Variants in AP1G2 observed in about 807,000 individuals in gnomAD.
AP1G2 encodes adaptor related protein complex 1 subunit gamma 2.
AP1G2 carries 85 observed loss-of-function variants against 95.8 expected under a neutral mutation model. The ratio of observed to expected loss-of-function variants is 0.89; its 90% CI spans 0.74 to 1.06. The LOEUF (loss-of-function observed/expected upper bound fraction) is 1.06. Ranked by LOEUF, AP1G2 falls within the 50% of genes least tolerant of loss-of-function variation. AP1G2 has a pLI of 0.00. For missense variants in AP1G2, 967 were observed against 1,005.8 expected, an observed-to-expected ratio of 0.96 and a Z score of 0.52; for synonymous variants, 378 against 400.0, an observed-to-expected ratio of 0.94 and a Z score of 0.66.
chr14:23,566,297 C>A lies in AP1G2; in HGVS notation c.452G>T (p.Ser151Ile), dbSNP rs1260537467. The change falls in exon 4 of 22, where the codon AGT becomes ATT. Residue 151 changes from serine to isoleucine, a missense_variant. Coordinates refer to ENST00000397120, the MANE Select transcript of AP1G2 (RefSeq NM_003917.5). ...TCTCACCTTCTTGCGCACGTAGGGA[C>A]TGGGCTGCAGGAGCAGTTTCTCCAC... ...PEVEKLLLQP[S>I]PYVRKKAILT... 1.2e-6 allele frequency: 2 copies of A among 1,613,988 alleles called. No homozygotes were observed. The highest frequency in any genetic ancestry group is 1.3e-5 in the African/African-American group (1 of 75,034).
rs550111210 is a variant in AP1G2 at position 23,562,367 on chromosome 14, G to A, written c.1549C>T (p.His517Tyr). Residue 517 changes from histidine to tyrosine, a missense_variant, in exon 16 of 22, where the codon CAC becomes TAC. His to Tyr is a moderately conservative substitution (Grantham distance 83). Transcript: ENST00000397120. Reference sequence around the variant, plus strand: ...CCTCGAGTGGCTGGCAGGGACATGTGGGACTGCAGCACCTTTTCCAGCAAT... The same window carrying A: ...CCTCGAGTGGCTGGCAGGGACATGTAGGACTGCAGCACCTTTTCCAGCAAT... The part of the protein sequence containing the change: ...LALLEKVLQS[H>Y]MSLPATRGYA... 6 of 1,614,182 alleles carry A rather than the reference G, an allele frequency of 3.7e-6. No individual in the cohort carries two copies. The South Asian group carries it at 6.6e-5, about 18-fold the overall frequency.
At position 23,567,479 on chromosome 14, in the gene AP1G2, C is replaced by G; in HGVS notation, c.-5-160G>C. ...TCCCGAAGTGGGTCTCCAAATTCCGCGCCCACCCCACCGCCCGAGAAGCCC... is the reference window on the plus strand; with the variant it reads ...TCCCGAAGTGGGTCTCCAAATTCCGGGCCCACCCCACCGCCCGAGAAGCCC... On this transcript the variant is annotated intron_variant, in intron 1 of 21. Coordinates refer to ENST00000397120, the MANE Select transcript of AP1G2 (RefSeq NM_003917.5). This position sits in a 1 kb window ranked among gnomAD's most constrained non-coding sequence, Gnocchi z 5.3. 1 of 1,391,360 alleles carries G rather than the reference C, an allele frequency of 7.2e-7. No homozygotes were observed. The highest frequency in any genetic ancestry group is 3.5e-5 in the Admixed American group (1 of 28,352). The allele number at this position is 1,391,360 out of a possible 1,614,324, so 86.2% of individuals were successfully genotyped here.
intron 19 of AP1G2, 170 bp downstream of exon 19, chr14:23,561,126 G>C: frequency 3.0e-6 from 4 of 1,352,962 alleles, no homozygotes; most frequent in Non-Finnish European, 3.8e-6. Context: ...GGAACAAAGG[G>C]AAGACAGATG....
chr14:23,566,199 A>G (rs747961923), intron 4 of AP1G2, 39 bp from the exon 5 acceptor site: 7 of 1,596,096 alleles, frequency 4.4e-6, no homozygotes, highest in Admixed American at 3.4e-5. Flanking sequence ...GTCAGAGGAG[A>G]TGGACCCCTG....
chr14:23,564,367 C>G lies in AP1G2; in HGVS notation c.943G>C (p.Gly315Arg), dbSNP rs1485961415. The change falls in exon 10 of 22, where the codon GGT becomes CGT. Residue 315 changes from glycine (G) to arginine (R), a missense_variant. By Grantham distance (125) the Gly-to-Arg change is moderately radical. Transcript: ENST00000397120. ...CTGTCACTGTTGAGTAGGAAGCGAC[C>G]AAGAATGTTGACAGCTAGAACCTAT... The part of the protein sequence containing the change: ...GLRVLAVNIL[G>R]RFLLNSDRNI... 1 of 1,614,110 alleles carries G rather than the reference C, an allele frequency of 6.2e-7. No homozygotes were observed.
chr14:23,564,179 T>G lies in AP1G2; in HGVS notation c.978-20A>C, dbSNP rs1335602235. On this transcript the variant is annotated intron_variant, in intron 10 of 21. Coordinates refer to ENST00000397120, the MANE Select transcript of AP1G2 (RefSeq NM_003917.5). ...ACATACCTGGTCAGGATGGGGGAGG[T>G]TCTATCATACCATGGCCATCAGCCC... 1 of 1,612,502 alleles carries G rather than the reference T, an allele frequency of 6.2e-7. No individual in the cohort carries two copies.
chr14:23,567,701 G>T lies in AP1G2; in HGVS notation c.-6+38C>A. The T allele has an allele frequency of 9.6e-7, 1 of 1,041,160 alleles. No homozygotes were observed. The highest frequency in any genetic ancestry group is 1.2e-6 in the Non-Finnish European group (1 of 864,648). The allele number at this position is 1,041,160 out of a possible 1,614,324, so 64.5% of individuals were successfully genotyped here. ...ATTTCCATCTCAGGCAGCGGCAGCG[G>T]CAGCGACAGCCTGCCTACCCCAGGA... On this transcript the variant is annotated intron_variant, in intron 1 of 21. Coordinates refer to ENST00000397120, the MANE Select transcript of AP1G2 (RefSeq NM_003917.5). The surrounding 1 kb of genome is among the most constrained non-coding windows in gnomAD (Gnocchi z 5.3).
At chr14:23,563,278 G>A in intron 14 of AP1G2, 102 bp downstream of exon 14, 2 of 1,520,704 alleles carry the variant, frequency 1.3e-6, no homozygotes, top group Non-Finnish European at 1.8e-6. Flanking sequence ...GTAAGCAGCT[G>A]TGACCTTGAG....
rs1387644688 is a variant in AP1G2, at chr14:23,564,320, T to C, written c.977+13A>G. On this transcript the variant is annotated intron_variant, in intron 10 of 21. Transcript: ENST00000397120. ...TCAGTGGCACAGCCTAGGTAGACAG[T>C]TGGGACTATTACCTAATGTTCCTGT... is the stretch of plus-strand genomic sequence containing the variant. 2 of 1,613,766 alleles carry C rather than the reference T, an allele frequency of 1.2e-6. No homozygotes were observed. Among genetic ancestry groups the C allele is most frequent in the South Asian group, 1.1e-5 (1 of 91,070 alleles).
intron 7 of AP1G2, 40 bp downstream of exon 7, chr14:23,565,566 C>T (rs1171436930): frequency 1.3e-6 from 2 of 1,537,764 alleles, no homozygotes; most frequent in East Asian, 2.2e-5. Flanking sequence ...CTGCTATGCC[C>T]TCTCTGATCC....
At chr14:23,564,731 TCA>T in intron 8 of AP1G2, 71 bp from the exon 9 acceptor site, 1 of 1,406,248 alleles carries the variant, frequency 7.1e-7, no homozygotes, top group Admixed American at 1.8e-5. Context: ...ATACAGGGTC[TCA>T]CTCTGTCGCC....
At chr14:23,560,496 G>A (rs1712015302) in intron 19 of AP1G2, 78 bp from the exon 20 acceptor site, 2 of 1,455,708 alleles carry the variant, frequency 1.4e-6, no homozygotes, top group South Asian at 1.3e-5. Flanking sequence ...CAAAAATTGA[G>A]TAAACACCTA....
intron 10 of AP1G2, 80 bp from the exon 11 acceptor site, chr14:23,564,239 A>T (rs1886613910): frequency 6.2e-7 from 1 of 1,612,848 alleles, no homozygotes; most frequent in Admixed American, 1.7e-5. Flanking sequence ...TAGGGATAAG[A>T]TAAGAGAGAA....
chr14:23,560,077 T>C, intron 20 of AP1G2, 41 bp from the exon 21 acceptor site: 1 of 1,471,650 alleles, frequency 6.8e-7, no homozygotes, highest in East Asian at 2.3e-5. Context: ...TGGCAGTAGG[T>C]AGGGCTCAGG....
chr14:23,563,585 G>C lies in AP1G2; in HGVS notation c.1286C>G (p.Thr429Arg). 1 of 1,614,208 alleles carries C rather than the reference G, an allele frequency of 6.2e-7. No individual in the cohort carries two copies. The highest frequency in any genetic ancestry group is 1.3e-5 in the African/African-American group (1 of 75,054). Residue 429 changes from threonine to arginine, a missense_variant and splice_region_variant, in exon 13 of 22, where the codon ACG (threonine) becomes AGG (arginine). Physicochemically the swap from Thr to Arg is moderately conservative, Grantham distance 71. Transcript: ENST00000397120. ...CTCTCTGACTGGCCCCTGCCTCACCGTTGTCAGCACATGCAGGATGGTGTC... is the reference window on the plus strand; with the variant it reads ...CTCTCTGACTGGCCCCTGCCTCACCCTTGTCAGCACATGCAGGATGGTGTC... ...HIDTILHVLT[T>R]AGTHVRDDAV...
rs1196039604 is a variant in AP1G2 at position 23,566,603 on chromosome 14, C to T, written c.288G>A (p.Glu96=). ...GYLGAMLLLD[E]RHDAHLLITN... is the part of the protein sequence containing the mutation. ...TAATGAGCAGGTGGGCATCGTGCCT[C>T]TCATCCAATAGAAGCATGGCCCCCA... Residue 96 remains glutamate, a synonymous_variant, in exon 3 of 22, where the codon GAG becomes GAA. Coordinates refer to ENST00000397120, the MANE Select transcript of AP1G2 (RefSeq NM_003917.5). 1 of 1,614,186 alleles carries T rather than the reference C, an allele frequency of 6.2e-7. No individual in the cohort carries two copies. The highest frequency in any genetic ancestry group is 8.5e-7 in the Non-Finnish European group (1 of 1,180,040).
rs201204660 is a variant in AP1G2 at position 23,566,438 on chromosome 14, C to T, written c.330-19G>A. On this transcript the variant is annotated intron_variant, in intron 3 of 21. Transcript: ENST00000397120. ...CAGGTCACTGCAGGGTTTGGGAGGA[C>T]GGTCAGTCAAACCTCTGAGAAAATC... 3.7e-5 allele frequency: 59 copies of T among 1,610,758 alleles called. No homozygotes were observed. The highest frequency in any genetic ancestry group is 2.3e-4 in the Admixed American group (14 of 59,898).
intron 7 of AP1G2, 48 bp from the exon 8 acceptor site, chr14:23,565,247 G>A (rs753809424): frequency 7.6e-6 from 12 of 1,580,392 alleles, no homozygotes; most frequent in Non-Finnish European, 9.5e-6. Context: ...ATAGGATAAG[G>A]AGTCGTGGGG....
Sources: allele counts gnomAD v4.1 joint callset, GRCh38; gene constraint gnomAD v4.1.1; non-coding constraint Gnocchi (gnomAD v3.1); transcripts MANE v1.5; gene names NCBI Gene and HGNC (gene_info 2026-07-23, HGNC 2026-07-21).